Variants in MNAT1 observed in about 807,000 individuals in gnomAD.
MNAT1 encodes CDK-activating kinase assembly factor MAT1.
Under a neutral mutation model 42.0 loss-of-function variants are expected in MNAT1, and 43 were observed. The ratio of observed to expected loss-of-function variants is 1.02; its 90% CI spans 0.80 to 1.32. MNAT1 has a LOEUF of 1.32. Among genes scored for constraint, MNAT1 ranks in the 40% most tolerant of loss-of-function variants. The pLI, the probability that MNAT1 is intolerant of heterozygous loss-of-function variation, is 0.00. For missense variants in MNAT1, 306 were observed against 350.4 expected, an observed-to-expected ratio of 0.87 and a Z score of 1.01; for synonymous variants, 118 against 120.0, an observed-to-expected ratio of 0.98 and a Z score of 0.11.
intron 1 of MNAT1, among the ~76,000 whole-genome samples, chr14:60,794,359 T>G (rs1373099464): frequency 6.6e-6 from 1 of 151,904 alleles, no homozygotes; most frequent in Non-Finnish European, 1.5e-5. Context: ...TATTTTTTAG[T>G]GACACTATTA....
intron 1 of MNAT1, among the ~76,000 whole-genome samples, chr14:60,791,528 A>G (rs751848617): frequency 6.6e-6 from 1 of 152,166 alleles, no homozygotes; most frequent in Non-Finnish European, 1.5e-5. Flanking sequence ...AAGGTATGAA[A>G]GGACTGATGA....
At chr14:60,853,514 C>T (rs1283953009) in intron 6 of MNAT1, among the ~76,000 whole-genome samples, 1 of 152,148 alleles carries the variant, frequency 6.6e-6, no homozygotes, top group Admixed American at 6.5e-5. Context: ...GACTTCCTCT[C>T]TTCCTATTCA....
intron 2 of MNAT1, among the ~76,000 whole-genome samples, chr14:60,796,765 AC>A (rs2032031905): frequency 6.6e-6 from 1 of 152,194 alleles, no homozygotes; most frequent in Non-Finnish European, 1.5e-5. Context: ...AGACAAAAAA[AC>A]AAGTAAACCA....
At chr14:60,913,337 A>T (rs995127940) in intron 7 of MNAT1, among the ~76,000 whole-genome samples, 2 of 152,152 alleles carry the variant, frequency 1.3e-5, no homozygotes, top group African/African-American at 4.8e-5. Context: ...CGTCAAAGTC[A>T]TGCTCCATCC....
intron 7 of MNAT1, among the ~76,000 whole-genome samples, chr14:60,932,665 A>G (rs532063755): frequency 6.6e-6 from 1 of 151,980 alleles, no homozygotes; most frequent in African/African-American, 2.4e-5. Flanking sequence ...TAAGAATTTT[A>G]TTCTGCACTA....
intron 1 of MNAT1, among the ~76,000 whole-genome samples, chr14:60,745,168 A>T (rs979793581): frequency 6.6e-6 from 1 of 152,208 alleles, no homozygotes; most frequent in Non-Finnish European, 1.5e-5. Context: ...TTGTTGCCAT[A>T]TAGAAAGCTG....
intron 7 of MNAT1, among the ~76,000 whole-genome samples, chr14:60,961,766 G>A (rs545065055): frequency 1.3e-5 from 2 of 152,152 alleles, no homozygotes; most frequent in South Asian, 2.1e-4. Flanking sequence ...GAATGAATGA[G>A]CTGCATGTAT....
At chr14:60,739,983 G>A (rs1052299647) in intron 1 of MNAT1, among the ~76,000 whole-genome samples, 1 of 152,120 alleles carries the variant, frequency 6.6e-6, no homozygotes, top group Non-Finnish European at 1.5e-5. Context: ...GTGAAACCCC[G>A]TCTCTACTAA....
intron 7 of MNAT1, among the ~76,000 whole-genome samples, chr14:60,911,607 C>T (rs1235090216): frequency 6.6e-6 from 1 of 152,142 alleles, no homozygotes; most frequent in African/African-American, 2.4e-5. Flanking sequence ...GCAGGTTGTT[C>T]AGTTTCCATG....
At chr14:60,851,916 G>A (rs1345991101) in intron 6 of MNAT1, among the ~76,000 whole-genome samples, 3 of 152,164 alleles carry the variant, frequency 2.0e-5, no homozygotes, top group African/African-American at 7.2e-5. Context: ...ATTCCATGGT[G>A]TATATGTGCC....
At chr14:60,891,473 A>ATTTTTTT in intron 7 of MNAT1, among the ~76,000 whole-genome samples, 1 of 151,234 alleles carries the variant, frequency 6.6e-6, no homozygotes, top group African/African-American at 2.4e-5. Flanking sequence ...TTTTGAGACA[A>ATTTTTTT]AGTCTTGCTG....
At chr14:60,882,367 A>G (rs537532452) in intron 7 of MNAT1, among the ~76,000 whole-genome samples, 1 of 152,290 alleles carries the variant, frequency 6.6e-6, no homozygotes, top group East Asian at 1.9e-4. Context: ...TTCACTTAAC[A>G]TAATGACCAC....
chr14:60,901,312 A>G (rs1209490885), intron 7 of MNAT1, among the ~76,000 whole-genome samples: 1 of 152,150 alleles, frequency 6.6e-6, no homozygotes, highest in African/African-American at 2.4e-5. Context: ...ATTTCTTTCA[A>G]AATACTGCTA....
At chr14:60,750,629 T>C (rs778032231) in intron 1 of MNAT1, among the ~76,000 whole-genome samples, 7 of 151,926 alleles carry the variant, frequency 4.6e-5, no homozygotes, top group Non-Finnish European at 8.8e-5. Context: ...GGCTTTATTG[T>C]TAAATAAGCT....
In MNAT1 at chr14:60,930,797, A is replaced by C. The variant is rs182516719; in HGVS notation, c.810-37432A>C. Among the ~76,000 whole-genome samples, 152 of 152,302 alleles carry C rather than the reference A, an allele frequency of 1.0e-3. 1 individual carries two copies. The highest frequency in any genetic ancestry group is 2.4e-3 in the Admixed American group (36 of 15,300). ...TTGTAACATAAAGTGACAAGAAACTAGTTAGGATCAAATCATGAAGAATCT... is the reference window on the plus strand; with the variant it reads ...TTGTAACATAAAGTGACAAGAAACTCGTTAGGATCAAATCATGAAGAATCT... On this transcript the variant is annotated intron_variant, in intron 7 of 7. Transcript: ENST00000261245.
chr14:60,951,820 G>C (rs189440350), intron 7 of MNAT1, among the ~76,000 whole-genome samples: 2 of 151,684 alleles, frequency 1.3e-5, no homozygotes, highest in African/African-American at 4.8e-5. Flanking sequence ...TTTCCTGTGG[G>C]TCTTGGATCG....
At chr14:60,747,649 C>T (rs74953273) in intron 1 of MNAT1, among the ~76,000 whole-genome samples, 3,470 of 152,142 alleles carry the variant, frequency 0.023, 147 homozygotes, top group African/African-American at 0.079. Context: ...AATGTTAAGG[C>T]CTAGGATATT....
At chr14:60,794,648 A>ATATAT (rs1453405051) in intron 1 of MNAT1, among the ~76,000 whole-genome samples, 18 of 88,164 alleles carry the variant, frequency 2.0e-4, no homozygotes, top group African/African-American at 7.8e-4. Context: ...AAAAAAAAAA[A>ATATAT]AAAAAAAAAA....
intron 7 of MNAT1, among the ~76,000 whole-genome samples, chr14:60,922,590 G>C (rs2139555264): frequency 6.6e-6 from 1 of 152,036 alleles, no homozygotes; most frequent in Admixed American, 6.5e-5. Flanking sequence ...ACTATAAGCT[G>C]TAAGGAAATC....
Sources: gnomAD v4.1 joint callset for allele counts (sites outside exome capture counted in the v4.1 genomes callset) on GRCh38, gnomAD v4.1.1 for gene constraint, MANE v1.5 for transcripts, NCBI Gene and HGNC (gene_info 2026-07-23, HGNC 2026-07-21) for gene names.